FYTTD1: variants seen among roughly 807,000 people sequenced by gnomAD.
The protein encoded by FYTTD1 is forty-two-three domain containing 1.
A neutral mutation model predicts 40.9 loss-of-function variants in FYTTD1; 22 were observed. That is an observed-to-expected ratio of 0.54 (90% CI 0.38 to 0.77). The LOEUF is 0.77. Ranked by LOEUF, FYTTD1 falls within the 30% of genes least tolerant of loss-of-function variation. The pLI, the probability that FYTTD1 is intolerant of heterozygous loss-of-function variation, is 0.00. For synonymous variants in FYTTD1, 140 were observed against 137.9 expected (o/e 1.01, Z -0.10); for missense variants, 351 against 392.2 (o/e 0.90, Z 0.89).
chr3:197,778,175 A>G (rs1729928150), intron 7 of FYTTD1, among the ~76,000 whole-genome samples, 163 bp from the exon 8 acceptor site: 1 of 152,256 alleles, frequency 6.6e-6, no homozygotes, highest in Non-Finnish European at 1.5e-5. Flanking sequence ...CTGAACAATT[A>G]TATATTTTAG....
Position 197,787,125 on chromosome 3 carries a change from T to C in FYTTD1, c.*5216T>C, listed in dbSNP as rs1730171335. The C allele has an allele frequency of 1.4e-5, 2 of 146,184 alleles. No individual in the cohort carries two copies. Among genetic ancestry groups the C allele is most frequent in the Non-Finnish European group, 3.0e-5 (2 of 67,502 alleles). The allele number at this position is 146,184 out of a possible 1,614,324, so 9.1% of individuals were successfully genotyped here. A position where few individuals can be genotyped will look rare whatever the true frequency, so the allele number is the denominator to read the frequency against. The stretch of plus-strand genomic sequence containing the variant: ...AAAAGTGGATTCTTTTTTTTTTTTT[T>C]TTTTTTGGAGACAGTCTTGCTCTGT... On this transcript the variant is annotated 3_prime_UTR_variant, in exon 9 of 9. Coordinates refer to ENST00000241502, the MANE Select transcript of FYTTD1 (RefSeq NM_032288.7).
chr3:197,778,473 A>AG lies in FYTTD1; in HGVS notation c.858+9_858+10insG. On this transcript the variant is annotated intron_variant, in intron 8 of 8. Coordinates refer to ENST00000241502, the MANE Select transcript of FYTTD1 (RefSeq NM_032288.7). ...ACAGTGTCGGAAAACAGGTAAAAAAACGTTTTCTGTATTTTCTTGGGTCAT... is the reference window on the plus strand; with the variant it reads ...ACAGTGTCGGAAAACAGGTAAAAAAAGCGTTTTCTGTATTTTCTTGGGTCAT... The AG allele has an allele frequency of 6.3e-7, 1 of 1,581,952 alleles. No homozygotes were observed.
At chr3:197,762,616 C>T (rs1245979454) in intron 2 of FYTTD1, among the ~76,000 whole-genome samples, 2 of 151,730 alleles carry the variant, frequency 1.3e-5, no homozygotes, top group Admixed American at 1.3e-4. Flanking sequence ...GGCGCGGTGG[C>T]TCATGCCTGT....
intron 6 of FYTTD1, among the ~76,000 whole-genome samples, chr3:197,775,306 T>A (rs1275867387): frequency 1.3e-5 from 2 of 152,216 alleles, no homozygotes; most frequent in Non-Finnish European, 2.9e-5. Context: ...ACTAATTCCA[T>A]CAGTGTGATT....
chr3:197,753,245 C>A (rs2109034776), intron 1 of FYTTD1, among the ~76,000 whole-genome samples: 1 of 152,286 alleles, frequency 6.6e-6, no homozygotes, highest in East Asian at 1.9e-4. Context: ...TGTTTTAAAT[C>A]ATGGCTTTGC....
chr3:197,749,992 G>C lies in FYTTD1; in HGVS notation c.21G>C (p.Arg7=). The C allele has an allele frequency of 6.3e-7, 1 of 1,583,244 alleles. No homozygotes were observed. The highest frequency in any genetic ancestry group is 8.6e-7 in the Non-Finnish European group (1 of 1,166,672). ...CAGCCATGAACCGGTTTGGTACCCGGTTGGTGGGAGCCACGGCGACTTCTT... is the reference window on the plus strand; with the variant it reads ...CAGCCATGAACCGGTTTGGTACCCGCTTGGTGGGAGCCACGGCGACTTCTT... The part of the protein sequence containing the change: MNRFGT[R]LVGATATSSP... Residue 7 remains arginine, a synonymous_variant, in exon 1 of 9, where the codon CGG becomes CGC. Coordinates refer to ENST00000241502, the MANE Select transcript of FYTTD1 (RefSeq NM_032288.7).
intron 1 of FYTTD1, among the ~76,000 whole-genome samples, chr3:197,751,640 C>CG: frequency 6.9e-6 from 1 of 145,748 alleles, no homozygotes; most frequent in African/African-American, 2.7e-5. Context: ...TCCCCCCGCT[C>CG]TCCCCCCCCG....
At position 197,785,749 on chromosome 3, in the gene FYTTD1, C is replaced by T. The variant is rs972953709; in HGVS notation, c.*3840C>T. On this transcript the variant is annotated 3_prime_UTR_variant, in exon 9 of 9. Coordinates refer to ENST00000241502, the MANE Select transcript of FYTTD1 (RefSeq NM_032288.7). Reference sequence around the variant, plus strand: ...AGAGAAAAAATAGCTCACTTGGCAGCACAGAAAATGAATACCATATTGGCA... The same window carrying T: ...AGAGAAAAAATAGCTCACTTGGCAGTACAGAAAATGAATACCATATTGGCA... The T allele has an allele frequency of 6.6e-6, 1 of 152,044 alleles. No homozygotes were observed. Among genetic ancestry groups the T allele is most frequent in the Non-Finnish European group, 1.5e-5 (1 of 68,014 alleles). The allele number at this position is 152,044 out of a possible 1,614,324, so 9.4% of individuals were successfully genotyped here.
At position 197,781,973 on chromosome 3, in the gene FYTTD1, C is replaced by A; in HGVS notation, c.*64C>A. 1.1e-6 allele frequency: 1 copy of A among 895,728 alleles called. No individual in the cohort carries two copies. Among genetic ancestry groups the A allele is most frequent in the Non-Finnish European group, 1.6e-6 (1 of 606,848 alleles). 55.5% of individuals were successfully genotyped at this position (895,728 alleles called of 1,614,324 possible). ...AAGTTGAATTGCTTGAAGAGTTCAT[C>A]ACGGAAATTCAAGAAACTTTACTTC... On this transcript the variant is annotated 3_prime_UTR_variant, in exon 9 of 9. Coordinates refer to ENST00000241502, the MANE Select transcript of FYTTD1 (RefSeq NM_032288.7).
At chr3:197,763,488 A>C (rs945966717) in intron 2 of FYTTD1, 2 of 441,202 alleles carry the variant, frequency 4.5e-6, no homozygotes, top group African/African-American at 4.1e-5. Flanking sequence ...TGGAGTCCTC[A>C]ATTGTTAAGC....
chr3:197,783,198 T>C lies in FYTTD1; in HGVS notation c.*1289T>C, dbSNP rs1360519426. ...AGATGTTGTATACTGTAAATTACAG[T>C]ATAATGCCAAATGCAGCAAAATCTT... On this transcript the variant is annotated 3_prime_UTR_variant, in exon 9 of 9. Transcript: ENST00000241502. 6.6e-6 allele frequency: 1 copy of C among 152,664 alleles called. No homozygotes were observed. The highest frequency in any genetic ancestry group is 1.5e-5 in the Non-Finnish European group (1 of 68,052). The allele number at this position is 152,664 out of a possible 1,614,324, so 9.5% of individuals were successfully genotyped here.
At chr3:197,777,101 G>A in intron 7 of FYTTD1, 100 bp downstream of exon 7, 2 of 715,428 alleles carry the variant, frequency 2.8e-6, no homozygotes, top group South Asian at 3.4e-5. Flanking sequence ...TCCAAGTTGG[G>A]ATGAACCAGG....
At chr3:197,752,886 G>T (rs1580442915) in intron 1 of FYTTD1, among the ~76,000 whole-genome samples, 1 of 152,208 alleles carries the variant, frequency 6.6e-6, no homozygotes, top group East Asian at 1.9e-4. Context: ...CAGGATTTCA[G>T]TCTGATTCTA....
At chr3:197,774,601 C>G (rs1020624619) in intron 6 of FYTTD1, among the ~76,000 whole-genome samples, 7 of 151,768 alleles carry the variant, frequency 4.6e-5, no homozygotes, top group Non-Finnish European at 1.0e-4. Context: ...ATGACCAGTG[C>G]ACACCAGCCT....
In FYTTD1 at chr3:197,755,725, T is replaced by G. The variant is rs997188967; in HGVS notation, c.104-701T>G. 10 of 1,332,332 alleles carry G rather than the reference T, an allele frequency of 7.5e-6. No homozygotes were observed. In the African/African-American group the frequency reaches 1.5e-4, roughly 20 times the overall value. The allele number at this position is 1,332,332 out of a possible 1,614,324, so 82.5% of individuals were successfully genotyped here. A position where few individuals can be genotyped will look rare whatever the true frequency, so the allele number is the denominator to read the frequency against. Reference sequence around the variant, plus strand: ...CCAGTCCCGAACTCCTGACCTCAAATGATCCGCCCACCTCAGCCTCCCAAA... The same window carrying G: ...CCAGTCCCGAACTCCTGACCTCAAAGGATCCGCCCACCTCAGCCTCCCAAA... On this transcript the variant is annotated intron_variant, in intron 1 of 8. Transcript: ENST00000241502.
Position 197,778,431 on chromosome 3 carries a change from C to T in FYTTD1, c.825C>T (p.Pro275=). 1 of 1,610,086 alleles carries T rather than the reference C, an allele frequency of 6.2e-7. No homozygotes were observed. Among genetic ancestry groups the T allele is most frequent in the Non-Finnish European group, 8.5e-7 (1 of 1,177,246 alleles). The change falls in exon 8 of 9, where the codon CCC becomes CCT. Residue 275 remains proline (P), a synonymous_variant. Coordinates refer to ENST00000241502, the MANE Select transcript of FYTTD1 (RefSeq NM_032288.7). ...SDVKKVPKGV[P]LQFDINSVGK... The stretch of plus-strand genomic sequence containing the variant: ...TCAAGAAAGTTCCTAAAGGTGTTCC[C>T]CTGCAGTTTGACATAAACAGTGTCG...
chr3:197,752,918 C>G (rs1729106860), intron 1 of FYTTD1, among the ~76,000 whole-genome samples: 1 of 152,252 alleles, frequency 6.6e-6, no homozygotes, highest in South Asian at 2.1e-4. Flanking sequence ...TGTTTTACAC[C>G]TAGATTTCTT....
At chr3:197,761,361 A>G (rs944657427) in intron 2 of FYTTD1, among the ~76,000 whole-genome samples, 3 of 151,480 alleles carry the variant, frequency 2.0e-5, no homozygotes, top group East Asian at 1.9e-4. Flanking sequence ...GGTAGAATGT[A>G]TAGAATTGTT....
intron 8 of FYTTD1, 107 bp downstream of exon 8, chr3:197,778,571 T>G: frequency 1.4e-6 from 1 of 716,854 alleles, no homozygotes; most frequent in Non-Finnish European, 2.3e-6. Flanking sequence ...AACTGCCCCC[T>G]GAAACCTAGG....
Sources: gnomAD v4.1 joint callset for allele counts (sites outside exome capture counted in the v4.1 genomes callset) on GRCh38, gnomAD v4.1.1 for gene constraint, MANE v1.5 for transcripts, NCBI Gene and HGNC (gene_info 2026-07-23, HGNC 2026-07-21) for gene names.